NCOA6: variants seen among roughly 807,000 people sequenced by gnomAD.
NCOA6 encodes nuclear receptor coactivator 6.
A neutral mutation model predicts 171.4 loss-of-function variants in NCOA6; 49 were observed. That is an observed-to-expected ratio of 0.29 (90% CI 0.23 to 0.36). The LOEUF is 0.36. NCOA6 is among the 10% of genes least tolerant of loss of function. The probability of loss-of-function intolerance (pLI) is 1.00; values close to 1 mark genes in which losing one functional copy is unlikely to be tolerated. For missense variants in NCOA6, 2,248 were observed against 2,554.5 expected, an observed-to-expected ratio of 0.88 and a Z score of 2.59; for synonymous variants, 910 against 927.5, an observed-to-expected ratio of 0.98 and a Z score of 0.34.
chr20:34,782,023 C>A, intron 3 of NCOA6, 98 bp downstream of exon 3: 1 of 834,378 alleles, frequency 1.2e-6, no homozygotes, highest in Non-Finnish European at 1.8e-6. Context: ...CCTTTTGACC[C>A]AATTTAACAA....
At chr20:34,717,851 T>C (rs1988794250) in intron 14 of NCOA6, among the ~76,000 whole-genome samples, 1 of 152,326 alleles carries the variant, frequency 6.6e-6, no homozygotes, top group Non-Finnish European at 1.5e-5. Flanking sequence ...AAAACATTCA[T>C]TAACTAGGTC....
rs146353705 is a variant in NCOA6, at chr20:34,805,832, C to T, written c.-163-13269G>A. 2.0e-4 allele frequency among the ~76,000 whole-genome samples: 31 copies of T among 152,092 alleles called. No homozygotes were observed. The East Asian group carries it at 5.0e-3, about 25-fold the overall frequency. ...GCCTCCCTAGTACTGGGATTACAGG[C>T]GCACACCATTGTACCCAGCTAATTT... On this transcript the variant is annotated intron_variant, in intron 1 of 14. Transcript: ENST00000359003.
At chr20:34,787,387 G>A (rs2077719812) in intron 2 of NCOA6, among the ~76,000 whole-genome samples, 1 of 152,002 alleles carries the variant, frequency 6.6e-6, no homozygotes. Flanking sequence ...TTAACCAGGT[G>A]TGGTGATGCA....
In NCOA6 at chr20:34,817,561, G is replaced by GAA. The variant is rs532316313; in HGVS notation, c.-164+7910_-164+7911insTT. 4.2e-3 allele frequency among the ~76,000 whole-genome samples: 632 copies of GAA among 152,192 alleles called. 2 individuals are homozygous for GAA. The highest frequency in any genetic ancestry group is 0.015 in the African/African-American group (604 of 41,544). ...GTGTATACATCTAAATGTAACTCTAGTTATTTACTAATTAACTCAGAATGT... is the reference window on the plus strand; with the variant it reads ...GTGTATACATCTAAATGTAACTCTAGAATTATTTACTAATTAACTCAGAATGT... On this transcript the variant is annotated intron_variant, in intron 1 of 14. Transcript: ENST00000359003.
intron 13 of NCOA6, among the ~76,000 whole-genome samples, chr20:34,727,668 A>C (rs1482640392): frequency 6.6e-6 from 1 of 152,094 alleles, no homozygotes; most frequent in East Asian, 1.9e-4. Flanking sequence ...AACTGGTAAA[A>C]GACATAAAAA....
intron 11 of NCOA6, among the ~76,000 whole-genome samples, chr20:34,739,795 T>C (rs1380945696): frequency 6.6e-6 from 1 of 152,246 alleles, no homozygotes; most frequent in East Asian, 1.9e-4. Flanking sequence ...TGCTTCCTTA[T>C]AAATTGAAAA....
At position 34,741,185 on chromosome 20, in the gene NCOA6, G is replaced by A. The variant is rs2076130573; in HGVS notation, c.5071C>T (p.Pro1691Ser). Residue 1691 changes from proline to serine, a missense_variant, in exon 11 of 15, where the codon CCT becomes TCT. Around this residue, in one of 7 missense-constraint regions of NCOA6, gnomAD observed 884 missense variants for 941.9 expected, o/e 0.94. Coordinates refer to ENST00000359003, the MANE Select transcript of NCOA6 (RefSeq NM_014071.5). Reference protein sequence around the residue: ...APLTTNSGLMPPSVAVVGPLH... With the variant: ...APLTTNSGLMSPSVAVVGPLH... ...GGGCCAACAACTGCAACAGAGGGAG[G>A]CATCAGGCCAGAGTTGGTTGTCAGT... is the stretch of plus-strand genomic sequence containing the variant. The A allele has an allele frequency of 6.2e-7, 1 of 1,614,102 alleles. No individual in the cohort carries two copies. Among genetic ancestry groups the A allele is most frequent in the African/African-American group, 1.3e-5 (1 of 74,920 alleles).
intron 1 of NCOA6, among the ~76,000 whole-genome samples, chr20:34,810,067 T>G (rs1287256339): frequency 6.6e-6 from 1 of 152,256 alleles, no homozygotes; most frequent in Non-Finnish European, 1.5e-5. Flanking sequence ...TCAATATACT[T>G]TTGAAATACC....
chr20:34,808,561 C>T (rs2078541493), intron 1 of NCOA6, among the ~76,000 whole-genome samples: 1 of 151,700 alleles, frequency 6.6e-6, no homozygotes, highest in Non-Finnish European at 1.5e-5. Context: ...GCCTCAGCCT[C>T]CCGAGTATCT....
chr20:34,763,099 T>C (rs1476859902), intron 5 of NCOA6, among the ~76,000 whole-genome samples: 3 of 152,234 alleles, frequency 2.0e-5, no homozygotes, highest in Non-Finnish European at 4.4e-5. Context: ...GTTTTATTTT[T>C]ATTTTGTAGT....
chr20:34,787,154 G>A (rs999245366), intron 2 of NCOA6, among the ~76,000 whole-genome samples: 4 of 150,270 alleles, frequency 2.7e-5, no homozygotes, highest in Admixed American at 6.6e-5. Flanking sequence ...TAAAAAGTGC[G>A]CTTTCAGGTC....
chr20:34,739,147 A>G (rs1023255398), intron 11 of NCOA6, among the ~76,000 whole-genome samples: 1 of 152,224 alleles, frequency 6.6e-6, no homozygotes, highest in Admixed American at 6.5e-5. Flanking sequence ...TTAACAGTAC[A>G]TAGGAAATAG....
intron 12 of NCOA6, 112 bp from the exon 13 acceptor site, chr20:34,732,707 A>G: frequency 3.5e-6 from 3 of 846,294 alleles, no homozygotes; most frequent in Admixed American, 2.3e-5. Flanking sequence ...CCCTGTGCCC[A>G]GCAGGATTCT....
chr20:34,716,716 T>C (rs1988647211), intron 14 of NCOA6, among the ~76,000 whole-genome samples: 3 of 151,762 alleles, frequency 2.0e-5, no homozygotes, highest in Admixed American at 1.3e-4. Context: ...AAGTGAGCTA[T>C]GTTCATGCCA....
chr20:34,825,644 A>AG lies in NCOA6; in HGVS notation c.-337dup, dbSNP rs1403889144. The AG allele has an allele frequency of 8.4e-5, 12 of 142,524 alleles. No homozygotes were observed. The highest frequency in any genetic ancestry group is 1.7e-4 in the Non-Finnish European group (11 of 64,282). 8.8% of individuals were successfully genotyped at this position (142,524 alleles called of 1,614,324 possible). On this transcript the variant is annotated 5_prime_UTR_variant, in exon 1 of 15. Coordinates refer to ENST00000359003, the MANE Select transcript of NCOA6 (RefSeq NM_014071.5). The stretch of plus-strand genomic sequence containing the variant: ...GCAGGGCCTCACGGAGCCGGCGGGG[A>AG]GGGGGATGGGCCGGACCGGGCCGGG...
Position 34,742,053 on chromosome 20 carries a change from A to G in NCOA6, c.4203T>C (p.Ser1401=), listed in dbSNP as rs200138704. The G allele has an allele frequency of 1.9e-6, 3 of 1,613,578 alleles. No individual in the cohort carries two copies. The South Asian group carries it at 3.3e-5, about 18-fold the overall frequency. ...CCCCAACTGCAGCCACAGACACAGT[A>G]GAATTCTGAGGATTCAGCCCACTGT... ...PNNSGLNPQN[S]TVSVAAVGGV... is the part of the protein sequence containing the mutation. Residue 1401 remains serine (S), a synonymous_variant, in exon 11 of 15, where the codon TCT becomes TCC. Transcript: ENST00000359003.
intron 2 of NCOA6, among the ~76,000 whole-genome samples, chr20:34,788,733 G>C (rs2077766821): frequency 6.6e-6 from 1 of 152,188 alleles, no homozygotes; most frequent in African/African-American, 2.4e-5. Flanking sequence ...ATCACCTGAG[G>C]TCAGGAGTTC....
Position 34,740,526 on chromosome 20 carries a change from G to A in NCOA6, c.5730C>T (p.Leu1910=), listed in dbSNP as rs141070426. ...TTACTATCGAGCGTACACTGGTGGGGAGAGCACCGCCAGGTAAGCTGGGTC... is the reference window on the plus strand; with the variant it reads ...TTACTATCGAGCGTACACTGGTGGGAAGAGCACCGCCAGGTAAGCTGGGTC... The part of the protein sequence containing the change: ...SAGPSLPGGA[L]PTSVRSIVTT... Residue 1910 remains leucine, a synonymous_variant, in exon 11 of 15, where the codon CTC becomes CTT. Transcript: ENST00000359003. 211 of 1,614,096 alleles carry A rather than the reference G, an allele frequency of 1.3e-4. No homozygotes were observed. Among genetic ancestry groups the A allele is most frequent in the Non-Finnish European group, 1.7e-4 (199 of 1,180,052 alleles).
Position 34,776,330 on chromosome 20 carries a change from C to G in NCOA6, c.354G>C (p.Gln118His), listed in dbSNP as rs1227654647. ...CGGAGAGAATCCCTAAATCCCGAAG[C>G]TGCTGGTTGTTGCTCTGAGCAAGGA... The part of the protein sequence containing the change: ...LRILAQSNNQ[Q>H]LRDLGILSVQ... Residue 118 changes from glutamine to histidine, a missense_variant, in exon 4 of 15, where the codon CAG becomes CAC. This residue lies in a region of NCOA6 where 987 missense variants were observed against 1,104.7 expected (regional missense o/e 0.89). Transcript: ENST00000359003. The G allele has an allele frequency of 1.2e-6, 2 of 1,614,036 alleles. No homozygotes were observed. The highest frequency in any genetic ancestry group is 2.2e-5 in the East Asian group (1 of 44,896).
Sources: allele counts gnomAD v4.1 joint callset (sites outside exome capture counted in the v4.1 genomes callset), GRCh38; gene constraint gnomAD v4.1.1; regional missense constraint gnomAD v4.1.1; transcripts MANE v1.5; gene names NCBI Gene and HGNC (gene_info 2026-07-23, HGNC 2026-07-21).